Variants in NHSL1 observed in about 807,000 individuals in gnomAD.
NHSL1 encodes NHS-like protein 1.
In NHSL1, 48 loss-of-function variants were observed where a neutral mutation model predicts 95.0. The ratio of observed to expected loss-of-function variants is 0.51; its 90% CI spans 0.40 to 0.64. The LOEUF is 0.64. Ranked by LOEUF, NHSL1 falls within the 30% of genes least tolerant of loss-of-function variation. The pLI is 0.00. For missense variants in NHSL1, 1,971 were observed against 2,077.7 expected (o/e 0.95, Z 1.00); for synonymous variants, 783 against 833.9 (o/e 0.94, Z 1.05).
intron 2 of NHSL1, among the ~76,000 whole-genome samples, chr6:138,485,949 C>CG (rs1172427603): frequency 1.3e-5 from 2 of 152,270 alleles, no homozygotes; most frequent in Admixed American, 6.5e-5. Flanking sequence ...AACAATATGG[C>CG]GGGGGCCACA....
At chr6:138,523,303 T>A (rs1388960357) in intron 1 of NHSL1, among the ~76,000 whole-genome samples, 1 of 150,166 alleles carries the variant, frequency 6.7e-6, no homozygotes, top group Non-Finnish European at 1.5e-5. Flanking sequence ...TAAATTTTGT[T>A]TTTATTTTAT....
intron 3 of NHSL1, among the ~76,000 whole-genome samples, chr6:138,457,124 G>A (rs560832785): frequency 1.8e-4 from 27 of 152,136 alleles, no homozygotes; most frequent in Non-Finnish European, 4.0e-4. Flanking sequence ...CAAGGGATCC[G>A]CCTGCCTCAG....
At chr6:138,514,253 G>T (rs939832686) in intron 1 of NHSL1, among the ~76,000 whole-genome samples, 1 of 152,036 alleles carries the variant, frequency 6.6e-6, no homozygotes, top group Non-Finnish European at 1.5e-5. Flanking sequence ...GGGAGGAGGG[G>T]GTTGCAGTGA....
intron 2 of NHSL1, among the ~76,000 whole-genome samples, chr6:138,481,126 T>C (rs1779392514): frequency 6.6e-6 from 1 of 152,194 alleles, no homozygotes; most frequent in South Asian, 2.1e-4. Context: ...GAAAATGAAT[T>C]CCAGCCCAAT....
chr6:138,649,027 T>C (rs1043704063), intron 1 of NHSL1, among the ~76,000 whole-genome samples: 3 of 152,204 alleles, frequency 2.0e-5, no homozygotes, highest in Non-Finnish European at 2.9e-5. Context: ...GAGGCTTAGT[T>C]ATTATGCAAC....
rs1317630277 is a variant in NHSL1, at chr6:138,433,157, CATT to C, written c.1185_1187del (p.Ile395del). 1.9e-6 allele frequency: 3 copies of C among 1,551,178 alleles called. No individual in the cohort carries two copies. Among genetic ancestry groups the C allele is most frequent in the Non-Finnish European group, 2.6e-6 (3 of 1,146,934 alleles). On this transcript the variant is annotated inframe_deletion, in exon 6 of 8. Coordinates refer to ENST00000343505, the MANE Select transcript of NHSL1 (RefSeq NM_001144060.2). Reference sequence around the variant, plus strand: ...GAGGAGAAACCACACACGCTGGGCTCATTATATTTTCACTCTCGAAGTGTCTCA... The same window carrying C: ...GAGGAGAAACCACACACGCTGGGCTCATATTTTCACTCTCGAAGTGTCTCA...
At chr6:138,636,730 C>T (rs1298290071) in intron 1 of NHSL1, among the ~76,000 whole-genome samples, 1 of 151,844 alleles carries the variant, frequency 6.6e-6, no homozygotes, top group African/African-American at 2.4e-5. Flanking sequence ...ATAATGAAAA[C>T]AATAAAATAC....
upstream of NHSL1, chr6:138,499,505 T>G: frequency 9.2e-7 from 1 of 1,086,712 alleles, no homozygotes; most frequent in Non-Finnish European, 1.2e-6. Flanking sequence ...GAAAAACTCC[T>G]ACTGAAACCT....
At chr6:138,477,487 C>T (rs1426951802) in intron 2 of NHSL1, among the ~76,000 whole-genome samples, 1 of 152,130 alleles carries the variant, frequency 6.6e-6, no homozygotes, top group Non-Finnish European at 1.5e-5. Flanking sequence ...CCTGTAGTCC[C>T]AGCTACTCAG....
At chr6:138,512,489 A>C (rs1211619701) in intron 1 of NHSL1, 1 of 225,326 alleles carries the variant, frequency 4.4e-6, no homozygotes, top group African/African-American at 2.4e-5. Flanking sequence ...GGATAACTCT[A>C]TATTCTGAAC....
chr6:138,576,118 A>G (rs143105183), upstream of NHSL1, among the ~76,000 whole-genome samples: 39 of 152,182 alleles, frequency 2.6e-4, no homozygotes, highest in African/African-American at 8.9e-4. Context: ...CAGCCTCCCA[A>G]GTAGCTGGAA....
chr6:138,537,918 A>G lies in NHSL1; in HGVS notation c.16+7705T>C, dbSNP rs74492461. ...TCCAGGCCGGCGAGAAGTCCAGAGC[A>G]TCAGACAGGAAGAGTTTCCTGGGGG... On this transcript the variant is annotated intron_variant, in intron 1 of 4. Transcript: ENST00000342260. Among the ~76,000 whole-genome samples, 397 of 152,244 alleles carry G rather than the reference A, an allele frequency of 2.6e-3. 1 individual carries two copies. Among genetic ancestry groups the G allele is most frequent in the Non-Finnish European group, 4.6e-3 (310 of 68,016 alleles).
chr6:138,514,638 C>T (rs1460325112), intron 1 of NHSL1, among the ~76,000 whole-genome samples: 1 of 152,102 alleles, frequency 6.6e-6, no homozygotes, highest in African/African-American at 2.4e-5. Context: ...CTTATTGTGG[C>T]CAGGCATGGT....
chr6:138,508,466 T>C (rs1044831339), intron 1 of NHSL1, among the ~76,000 whole-genome samples: 4 of 152,144 alleles, frequency 2.6e-5, no homozygotes, highest in East Asian at 1.9e-4. Context: ...CTGAAGAAAG[T>C]CATAAGGAAC....
chr6:138,581,394 G>C (rs1245771677), intron 1 of NHSL1, among the ~76,000 whole-genome samples: 1 of 152,088 alleles, frequency 6.6e-6, no homozygotes, highest in East Asian at 1.9e-4. Flanking sequence ...TAGCAACTCA[G>C]AGAAATTTTT....
At chr6:138,604,637 A>T (rs1452738648) in intron 1 of NHSL1, among the ~76,000 whole-genome samples, 2 of 151,968 alleles carry the variant, frequency 1.3e-5, no homozygotes, top group Non-Finnish European at 2.9e-5. Context: ...ATTTAAAATA[A>T]TTTTTTTTGA....
At chr6:138,518,476 ATTTTT>A (rs79456955) in intron 1 of NHSL1, among the ~76,000 whole-genome samples, 1 of 137,044 alleles carries the variant, frequency 7.3e-6, no homozygotes, top group African/African-American at 2.7e-5. Flanking sequence ...CACAGGAATG[ATTTTT>A]TTTTTTTTTT....
intron 1 of NHSL1, among the ~76,000 whole-genome samples, chr6:138,648,159 T>TAC (rs367798690): frequency 4.6e-5 from 7 of 151,580 alleles, no homozygotes; most frequent in Non-Finnish European, 8.8e-5. Context: ...TTCCAGACCG[T>TAC]ACACACACAC....
At chr6:138,468,992 G>A (rs1054007725) in intron 3 of NHSL1, among the ~76,000 whole-genome samples, 1 of 152,164 alleles carries the variant, frequency 6.6e-6, no homozygotes, top group African/African-American at 2.4e-5. Flanking sequence ...ATTTTGCAAA[G>A]GAATTATAAT....
Sources: allele counts gnomAD v4.1 joint callset (sites outside exome capture counted in the v4.1 genomes callset), GRCh38; gene constraint gnomAD v4.1.1; transcripts MANE v1.5; gene names NCBI Gene and HGNC (gene_info 2026-07-23, HGNC 2026-07-21).